Variants in TSPAN14 observed in about 807,000 individuals in gnomAD.
TSPAN14 encodes the protein tetraspanin-14.
Under a neutral mutation model 36.6 loss-of-function variants are expected in TSPAN14, and 16 were observed. The ratio of observed to expected loss-of-function variants is 0.44; its 90% CI spans 0.30 to 0.66. The LOEUF (loss-of-function observed/expected upper bound fraction) is 0.66, where lower values mean the gene tolerates loss of function less well. Ranked by LOEUF, TSPAN14 falls within the 30% of genes least tolerant of loss-of-function variation. The pLI, the probability that TSPAN14 is intolerant of heterozygous loss-of-function variation, is 0.12. For synonymous variants in TSPAN14, 139 were observed against 143.8 expected, an observed-to-expected ratio of 0.97 and a Z score of 0.24; for missense variants, 231 against 355.1, an observed-to-expected ratio of 0.65 and a Z score of 2.81.
intron 1 of TSPAN14, among the ~76,000 whole-genome samples, chr10:80,472,409 T>TA (rs1846603499): frequency 6.6e-6 from 1 of 152,198 alleles, no homozygotes; most frequent in Non-Finnish European, 1.5e-5. Context: ...TTACCGGTGA[T>TA]ATTGACAATG....
Position 80,480,498 on chromosome 10 carries a change from C to G in TSPAN14, c.-17-8719C>G, listed in dbSNP as rs181586077. Among the ~76,000 whole-genome samples, 532 of 152,300 alleles carry G rather than the reference C, an allele frequency of 3.5e-3. 2 individuals are homozygous for G. The highest frequency in any genetic ancestry group is 4.4e-3 in the Non-Finnish European group (300 of 68,030). ...ATGCACACGTATGTTTATTACGGCACTATTCACAATAGCAAAGACTCGGAA... is the reference window on the plus strand; with the variant it reads ...ATGCACACGTATGTTTATTACGGCAGTATTCACAATAGCAAAGACTCGGAA... On this transcript the variant is annotated intron_variant, in intron 1 of 8. Transcript: ENST00000429989.
At position 80,495,595 on chromosome 10, in the gene TSPAN14, G is replaced by T. The variant is rs114405423; in HGVS notation, c.81+6281G>T. ...CAAGGTGCTCTGAGATTATTGCCTGGCACACAGGACTGTTAAATGCTTGCA... is the reference window on the plus strand; with the variant it reads ...CAAGGTGCTCTGAGATTATTGCCTGTCACACAGGACTGTTAAATGCTTGCA... On this transcript the variant is annotated intron_variant, in intron 2 of 8. Transcript: ENST00000429989. Among the ~76,000 whole-genome samples, 1,235 of 152,256 alleles carry T rather than the reference G, an allele frequency of 8.1e-3. 20 individuals are homozygous for T. Among genetic ancestry groups the T allele is most frequent in the African/African-American group, 0.028 (1,182 of 41,542 alleles).
intron 2 of TSPAN14, among the ~76,000 whole-genome samples, chr10:80,492,826 AAG>A (rs1847992972): frequency 6.6e-6 from 1 of 152,144 alleles, no homozygotes; most frequent in South Asian, 2.1e-4. Flanking sequence ...AAAAAAAAAA[AAG>A]ACTTATTTTC....
intron 2 of TSPAN14, 58 bp downstream of exon 2, chr10:80,489,372 G>C: frequency 8.3e-7 from 1 of 1,204,536 alleles, no homozygotes; most frequent in Non-Finnish European, 1.2e-6. Context: ...GTAAATTATG[G>C]TTTTCCACAC....
chr10:80,518,960 A>G (rs1160897143), exon 9 of TSPAN14: 1 of 152,938 alleles, frequency 6.5e-6, no homozygotes, highest in Non-Finnish European at 1.5e-5. Context: ...CATCCCACAT[A>G]CAAGCACTCC....
chr10:80,466,581 A>C (rs1452567163), intron 1 of TSPAN14: 1 of 152,220 alleles, frequency 6.6e-6, no homozygotes, highest in African/African-American at 2.4e-5. Context: ...CAAATGTTGT[A>C]GCACCTACAA....
At chr10:80,507,160 T>C (rs1564741280) in intron 3 of TSPAN14, 68 bp from the exon 4 acceptor site, 1 of 1,587,438 alleles carries the variant, frequency 6.3e-7, no homozygotes, top group South Asian at 1.1e-5. Context: ...ACCACCTGCA[T>C]CCCCCAGGGC....
intron 1 of TSPAN14, among the ~76,000 whole-genome samples, chr10:80,466,928 C>T (rs914927242): frequency 2.0e-5 from 3 of 152,096 alleles, no homozygotes; most frequent in African/African-American, 7.2e-5. Context: ...TAGGTGGGTT[C>T]GGAGATTCTT....
rs1165604489 is a variant in TSPAN14, at chr10:80,509,541, A to T, written c.450+70A>T. On this transcript the variant is annotated intron_variant, in intron 5 of 8. Coordinates refer to ENST00000429989, the Ensembl canonical transcript of TSPAN14. The surrounding 1 kb of genome is among the most constrained non-coding windows in gnomAD (Gnocchi z 4.7). Reference sequence around the variant, plus strand: ...TGTGCTGCCTGGAGCTGAGTCTAGCAGGGGCATCAGGCCTTCTCTGTGGGT... The same window carrying T: ...TGTGCTGCCTGGAGCTGAGTCTAGCTGGGGCATCAGGCCTTCTCTGTGGGT... 5.9e-6 allele frequency: 9 copies of T among 1,524,986 alleles called. No homozygotes were observed. The highest frequency in any genetic ancestry group is 1.4e-5 in the African/African-American group (1 of 72,962). 94.5% of individuals were successfully genotyped at this position (1,524,986 alleles called of 1,614,324 possible). A position where few individuals can be genotyped will look rare whatever the true frequency, so the allele number is the denominator to read the frequency against.
exon 9 of TSPAN14, chr10:80,521,947 A>G (rs899751080): frequency 6.6e-6 from 1 of 151,892 alleles, no homozygotes; most frequent in Non-Finnish European, 1.5e-5. Context: ...TTCATTCTCA[A>G]ATGCTTTTGG....
chr10:80,478,308 T>C (rs148310180), intron 1 of TSPAN14, among the ~76,000 whole-genome samples: 8 of 151,874 alleles, frequency 5.3e-5, no homozygotes, highest in Non-Finnish European at 1.0e-4. Flanking sequence ...TTTCAGAAAA[T>C]AGAGCAAACA....
intron 7 of TSPAN14, 21 bp from the exon 8 acceptor site, chr10:80,516,183 C>T (rs1477001514): frequency 1.2e-6 from 2 of 1,614,058 alleles, no homozygotes; most frequent in Non-Finnish European, 1.7e-6. Context: ...AGGCTCAGAC[C>T]CCTGTGGTGT....
chr10:80,487,628 G>A (rs1241903806), intron 1 of TSPAN14, among the ~76,000 whole-genome samples: 2 of 152,146 alleles, frequency 1.3e-5, no homozygotes, highest in Non-Finnish European at 2.9e-5. Context: ...ACAGTGTTCA[G>A]GCCTTGTGTG....
chr10:80,521,029 C>T (rs942321318), exon 9 of TSPAN14: 32 of 334,402 alleles, frequency 9.6e-5, no homozygotes, highest in Non-Finnish European at 1.6e-4. Flanking sequence ...AAGCCTGGCA[C>T]TGGGTTTCCC....
chr10:80,454,827 C>T (rs1223169155), intron 1 of TSPAN14, among the ~76,000 whole-genome samples: 1 of 152,140 alleles, frequency 6.6e-6, no homozygotes, highest in Admixed American at 6.5e-5. Context: ...ACCCTCGGCT[C>T]CCAGGAGATC....
At chr10:80,489,651 G>T (rs1260315473) in intron 2 of TSPAN14, among the ~76,000 whole-genome samples, 1 of 152,240 alleles carries the variant, frequency 6.6e-6, no homozygotes, top group East Asian at 1.9e-4. Flanking sequence ...GGTACTTTGT[G>T]TGCATCTGAC....
At chr10:80,488,440 A>G (rs1421371318) in intron 1 of TSPAN14, among the ~76,000 whole-genome samples, 1 of 152,124 alleles carries the variant, frequency 6.6e-6, no homozygotes, top group African/African-American at 2.4e-5. Flanking sequence ...TCTGTAGTTC[A>G]CAGGGTCTTC....
intron 1 of TSPAN14, among the ~76,000 whole-genome samples, chr10:80,474,738 G>A (rs894739798): frequency 6.6e-6 from 1 of 152,246 alleles, no homozygotes; most frequent in East Asian, 1.9e-4. Flanking sequence ...CAGTGCCTTT[G>A]TGCAGGGTCA....
chr10:80,512,164 T>C (rs1346510095), exon 6 of TSPAN14: 2 of 1,614,084 alleles, frequency 1.2e-6, no homozygotes, highest in East Asian at 2.2e-5. Context: ...GTGGCGCATA[T>C]GGCCCTGAAG....
Sources: gnomAD v4.1 joint callset for allele counts (sites outside exome capture counted in the v4.1 genomes callset) on GRCh38, gnomAD v4.1.1 for gene constraint, Gnocchi (gnomAD v3.1) non-coding constraint, MANE v1.5 for transcripts, NCBI Gene and HGNC (gene_info 2026-07-23, HGNC 2026-07-21) for gene names.